The following HOOK2 variants were observed in gnomAD, a reference collection of about 807,000 sequenced individuals.
The protein encoded by HOOK2 is hook microtubule tethering protein 2, also known as protein Hook homolog 2.
A neutral mutation model predicts 111.9 loss-of-function variants in HOOK2; 108 were observed. The ratio of observed to expected loss-of-function variants is 0.96; its 90% CI spans 0.83 to 1.13. The LOEUF is 1.13. Among genes scored for constraint, HOOK2 ranks in the 50% most tolerant of loss-of-function variants. The probability of loss-of-function intolerance (pLI) is 0.00; values close to 1 mark genes in which losing one functional copy is unlikely to be tolerated. For missense variants in HOOK2, 978 were observed against 951.3 expected (o/e 1.03, Z -0.37); for synonymous variants, 405 against 394.3 (o/e 1.03, Z -0.32).
intron 3 of HOOK2, among the ~76,000 whole-genome samples, chr19:12,789,683 G>A (rs1968687165): frequency 6.6e-6 from 1 of 151,562 alleles, no homozygotes; most frequent in South Asian, 2.1e-4. Flanking sequence ...TCGGGCCGGG[G>A]GCGAAGTCCG....
chr19:12,792,258 G>A lies in HOOK2; in HGVS notation n.42-18033C>T. On this transcript the variant is annotated intron_variant and non_coding_transcript_variant, in intron 3 of 3. Coordinates refer to the HOOK2 transcript ENST00000589765. ...CCCCAACGTGTCCCTGGGCGCTACC[G>A]GGGGGCCCCCGGCTGGGCCCGGGGG... 3.3e-6 allele frequency: 5 copies of A among 1,497,284 alleles called. No homozygotes were observed. In the South Asian group the frequency reaches 6.4e-5, roughly 19 times the overall value. The allele number at this position is 1,497,284 out of a possible 1,614,324, so 92.7% of individuals were successfully genotyped here.
chr19:12,787,853 G>A (rs958709412), intron 3 of HOOK2, among the ~76,000 whole-genome samples: 4 of 151,824 alleles, frequency 2.6e-5, no homozygotes, highest in East Asian at 1.9e-4. Context: ...TCAGGAGTTC[G>A]AGACCAGCCT....
intron 14 of HOOK2, among the ~76,000 whole-genome samples, chr19:12,766,890 G>A (rs892064662): frequency 2.6e-5 from 4 of 151,982 alleles, no homozygotes; most frequent in Admixed American, 1.3e-4. Context: ...GTCGTTTTTC[G>A]GGTTTTTAAA....
upstream of HOOK2, among the ~76,000 whole-genome samples, chr19:12,777,170 A>G (rs1968541958): frequency 6.6e-6 from 1 of 150,600 alleles, no homozygotes; most frequent in South Asian, 2.1e-4. Flanking sequence ...AAATAAATAA[A>G]ATAAAATAAA....
Position 12,790,710 on chromosome 19 carries a change from A to G in HOOK2, n.42-16485T>C, listed in dbSNP as rs1968704413. On this transcript the variant is annotated intron_variant and non_coding_transcript_variant, in intron 3 of 3. Transcript: ENST00000589765. The surrounding 1 kb of genome is among the most constrained non-coding windows in gnomAD (Gnocchi z 7.2). ...CAGTGGTCCCCAATTTCTGGCAGAC[A>G]TGTCTCCATCTTCTACCTGGCATAT... Among the ~76,000 whole-genome samples, 1 of 151,664 alleles carries G rather than the reference A, an allele frequency of 6.6e-6. No individual in the cohort carries two copies. Among genetic ancestry groups the G allele is most frequent in the South Asian group, 2.1e-4 (1 of 4,826 alleles).
At position 12,771,423 on chromosome 19, in the gene HOOK2, G is replaced by T; in HGVS notation, c.574C>A (p.Gln192Lys). 6.2e-7 allele frequency: 1 copy of T among 1,613,728 alleles called. No individual in the cohort carries two copies. Residue 192 changes from glutamine (Q) to lysine (K), a missense_variant, in exon 8 of 23, where the codon CAG becomes AAG. By Grantham distance (53) the Gln-to-Lys change is moderately conservative. Transcript: ENST00000397668. ...EEAEEGDELQ[Q>K]RCLDLERQLM... is the part of the protein sequence containing the mutation. ...TGCCGCTCCAGATCCAGACAGCGCT[G>T]CTGTAATTCGTCCCCCTCCTCAGCC...
chr19:12,775,536 G>A lies in HOOK2; in HGVS notation c.-87C>T. On this transcript the variant is annotated 5_prime_UTR_variant, in exon 1 of 23. Transcript: ENST00000397668. ...GCCACCAGCGAGCGCCCGCAGCCCC[G>A]ACCTCCCGCTCGGCCTAGAGCGCCG... The A allele has an allele frequency of 2.1e-6, 3 of 1,450,874 alleles. No individual in the cohort carries two copies. The highest frequency in any genetic ancestry group is 1.9e-6 in the Non-Finnish European group (2 of 1,080,534). The allele number at this position is 1,450,874 out of a possible 1,614,324, so 89.9% of individuals were successfully genotyped here.
At chr19:12,782,131 C>T (rs1218562770), upstream of HOOK2, among the ~76,000 whole-genome samples, 1 of 152,244 alleles carries the variant, frequency 6.6e-6, no homozygotes, top group East Asian at 1.9e-4. Context: ...TCTGAGATTA[C>T]AGGCCTGAGC....
At chr19:12,782,380 G>A (rs1568379432), upstream of HOOK2, among the ~76,000 whole-genome samples, 3 of 152,258 alleles carry the variant, frequency 2.0e-5, no homozygotes, top group Non-Finnish European at 4.4e-5. Context: ...TGACACTGTG[G>A]GTCGGGGAGT....
At chr19:12,774,369 G>A in intron 3 of HOOK2, 1 of 461,938 alleles carries the variant, frequency 2.2e-6, no homozygotes, top group Non-Finnish European at 4.0e-6. Context: ...GCCTCTCAAA[G>A]TGTTGGGATT....
intron 11 of HOOK2, 48 bp from the exon 12 acceptor site, chr19:12,768,171 G>C: frequency 6.7e-7 from 1 of 1,497,370 alleles, no homozygotes. Flanking sequence ...TGGGAGCAGG[G>C]GCAGGGGCTG....
rs1197100010 is a variant in HOOK2, at chr19:12,770,060, G to T, written c.925C>A (p.Gln309Lys). ...ELRQSSERAG[Q>K]LEATLTSCRR... ...CAACTGGTCAGCGTGGCCTCCAGCT[G>T]CCCAGCACGCTCCGAAGACTGCCTA... Residue 309 changes from glutamine (Q) to lysine (K), a missense_variant, in exon 11 of 23, where the codon CAG (glutamine) becomes AAG (lysine). Physicochemically the swap from Gln to Lys is moderately conservative, Grantham distance 53 (BLOSUM62 1). This residue lies in a region of HOOK2 where 388 missense variants were observed against 358.3 expected (regional missense o/e 1.08). Coordinates refer to ENST00000397668, the MANE Select transcript of HOOK2 (RefSeq NM_013312.3). 1.3e-6 allele frequency: 2 copies of T among 1,530,994 alleles called. No individual in the cohort carries two copies. Among genetic ancestry groups the T allele is most frequent in the Non-Finnish European group, 8.8e-7 (1 of 1,141,984 alleles). The allele number at this position is 1,530,994 out of a possible 1,614,324, so 94.8% of individuals were successfully genotyped here.
chr19:12,767,370 A>G, intron 14 of HOOK2, 25 bp downstream of exon 14: 1 of 1,605,130 alleles, frequency 6.2e-7, no homozygotes, highest in Non-Finnish European at 8.5e-7. Context: ...GGGTGGGGCC[A>G]GAGTTTTGAG....
In HOOK2 at chr19:12,763,249, G is replaced by C. The variant is rs1968048024; in HGVS notation, c.*33C>G. On this transcript the variant is annotated 3_prime_UTR_variant, in exon 23 of 23. Coordinates refer to ENST00000397668, the MANE Select transcript of HOOK2 (RefSeq NM_013312.3). ...TGTGAGCTGGAGGAAGCCAGGGTGG[G>C]TGGAGCCCAGGCTGGCTTGATTGTG... The C allele has an allele frequency of 6.2e-7, 1 of 1,600,774 alleles. No homozygotes were observed. Among genetic ancestry groups the C allele is most frequent in the African/African-American group, 1.3e-5 (1 of 74,708 alleles).
At chr19:12,779,651 TG>T (rs1388065623), upstream of HOOK2, among the ~76,000 whole-genome samples, 2 of 152,268 alleles carry the variant, frequency 1.3e-5, no homozygotes, top group Admixed American at 6.5e-5. Flanking sequence ...CCACGGCGCC[TG>T]GCCAAATGTG....
chr19:12,776,332 G>A (rs1451468967), upstream of HOOK2, among the ~76,000 whole-genome samples: 2 of 151,770 alleles, frequency 1.3e-5, no homozygotes, highest in African/African-American at 4.8e-5. Flanking sequence ...ATTTTGGGAG[G>A]CCTAGGAGGG....
intron 1 of HOOK2, 50 bp downstream of exon 1, chr19:12,775,355 G>A: frequency 1.3e-6 from 2 of 1,595,608 alleles, no homozygotes; most frequent in Non-Finnish European, 1.7e-6. Flanking sequence ...AGGGATCCCG[G>A]GCAAGAGGAG....
At chr19:12,763,930 A>C (rs1372862178) in intron 20 of HOOK2, 152 bp from the exon 21 acceptor site, 15 of 618,094 alleles carry the variant, frequency 2.4e-5, no homozygotes, top group Non-Finnish European at 4.0e-5. Context: ...GGCATCAAGC[A>C]ATTCTCCTGC....
rs1250860874 is a variant in HOOK2, at chr19:12,765,979, T to C, written c.1547A>G (p.Gln516Arg). 4 of 1,614,030 alleles carry C rather than the reference T, an allele frequency of 2.5e-6. No individual in the cohort carries two copies. Among genetic ancestry groups the C allele is most frequent in the Admixed American group, 1.7e-5 (1 of 60,022 alleles). ...NQQQLSELRAQVEDLQKALQE... is the reference protein window; with the variant it reads ...NQQQLSELRARVEDLQKALQE... ...CAGGGCTTTCTGCAGGTCCTCCACC[T>C]GGGCCCGCAGCTCGGATAGCTGCTG... Residue 516 changes from glutamine (Q) to arginine (R), a missense_variant, in exon 16 of 23, where the codon CAG (glutamine) becomes CGG (arginine). Transcript: ENST00000397668.
Sources: gnomAD v4.1 joint callset for allele counts (sites outside exome capture counted in the v4.1 genomes callset) on GRCh38, gnomAD v4.1.1 for gene constraint, gnomAD v4.1.1 regional missense constraint, Gnocchi (gnomAD v3.1) non-coding constraint, MANE v1.5 for transcripts, NCBI Gene and HGNC (gene_info 2026-07-23, HGNC 2026-07-21) for gene names.